The following SEZ6L variants were observed in gnomAD, a reference collection of about 807,000 sequenced individuals.
SEZ6L encodes seizure related 6 homolog like, also known as seizure 6-like protein.
A neutral mutation model predicts 106.2 loss-of-function variants in SEZ6L; 37 were observed. The observed-to-expected ratio is 0.35, with a 90% CI of 0.27 to 0.46. The LOEUF is 0.46. SEZ6L is among the 20% of genes least tolerant of loss of function. The pLI is 1.00. For missense variants in SEZ6L, 1,172 were observed against 1,332.8 expected (o/e 0.88, Z 1.88); for synonymous variants, 541 against 570.4 (o/e 0.95, Z 0.73).
At chr22:26,246,933 A>G (rs1335754048) in intron 1 of SEZ6L, among the ~76,000 whole-genome samples, 1 of 152,174 alleles carries the variant, frequency 6.6e-6, no homozygotes, top group African/African-American at 2.4e-5. Context: ...GACAATTTGA[A>G]CTATGTGAAA....
intron 1 of SEZ6L, among the ~76,000 whole-genome samples, chr22:26,170,574 A>T (rs532870606): frequency 2.0e-5 from 3 of 152,194 alleles, no homozygotes; most frequent in South Asian, 4.2e-4. Context: ...TCTTTCTCAG[A>T]CCTGGAACCA....
chr22:26,379,387 G>T (rs916561280), intron 16 of SEZ6L, among the ~76,000 whole-genome samples: 6 of 152,224 alleles, frequency 3.9e-5, no homozygotes, highest in African/African-American at 1.2e-4. Flanking sequence ...AAAAGGAGGG[G>T]ACCCCACAAA....
chr22:26,256,304 A>C (rs1301121137), intron 1 of SEZ6L, among the ~76,000 whole-genome samples: 3 of 152,244 alleles, frequency 2.0e-5, no homozygotes, highest in Admixed American at 6.5e-5. Flanking sequence ...AAGTGAACAA[A>C]GGAAGTGAAT....
chr22:26,243,140 G>C (rs1233839280), intron 1 of SEZ6L, among the ~76,000 whole-genome samples: 1 of 152,186 alleles, frequency 6.6e-6, no homozygotes, highest in Admixed American at 6.5e-5. Context: ...AAGGCCCACT[G>C]TAATTCTGAA....
chr22:26,347,621 C>G, intron 10 of SEZ6L, 98 bp from the exon 11 acceptor site: 1 of 1,013,350 alleles, frequency 9.9e-7, no homozygotes, highest in Non-Finnish European at 1.4e-6. Context: ...TTTCTAGAGG[C>G]TTTTTTTTCT....
At chr22:26,264,624 T>C (rs1343494551) in intron 1 of SEZ6L, among the ~76,000 whole-genome samples, 1 of 152,214 alleles carries the variant, frequency 6.6e-6, no homozygotes, top group African/African-American at 2.4e-5. Context: ...AAATAGTAAA[T>C]ATTTTATGCT....
rs557635851 is a variant in SEZ6L, at chr22:26,372,920, G to A, written c.2795-531G>A. Among the ~76,000 whole-genome samples the A allele has an allele frequency of 1.2e-4, 19 of 152,280 alleles. No individual in the cohort carries two copies. In the South Asian group the frequency reaches 3.7e-3, roughly 30 times the overall value. On this transcript the variant is annotated intron_variant, in intron 13 of 16. Coordinates refer to ENST00000248933, the MANE Select transcript of SEZ6L (RefSeq NM_021115.5). ...GCTGGATTTTGTATGAAGGTCTGGG[G>A]CCTCGCAATTCATTCGTGCTTTGCC...
chr22:26,324,646 G>A (rs1176631717), intron 9 of SEZ6L, among the ~76,000 whole-genome samples: 4 of 152,140 alleles, frequency 2.6e-5, no homozygotes, highest in South Asian at 2.1e-4. Flanking sequence ...AAATGGCCAC[G>A]ACAAAAATAA....
intron 1 of SEZ6L, among the ~76,000 whole-genome samples, chr22:26,209,443 G>A (rs1420979578): frequency 6.7e-6 from 1 of 150,018 alleles, no homozygotes; most frequent in Non-Finnish European, 1.5e-5. Flanking sequence ...TGGATGAAAA[G>A]GAGAGGGAAG....
At chr22:26,357,013 G>A (rs551609556) in intron 12 of SEZ6L, among the ~76,000 whole-genome samples, 6 of 151,134 alleles carry the variant, frequency 4.0e-5, no homozygotes, top group South Asian at 4.2e-4. Flanking sequence ...GTGCAGTGGC[G>A]CAATCTTAGC....
At position 26,366,576 on chromosome 22, in the gene SEZ6L, C is replaced by T. The variant is rs114215033; in HGVS notation, c.2794+1010C>T. Reference sequence around the variant, plus strand: ...TACAAAAATTAACCTGATGTGGTGACGTGTGCCTGTAGTCCCAGCTACTTG... The same window carrying T: ...TACAAAAATTAACCTGATGTGGTGATGTGTGCCTGTAGTCCCAGCTACTTG... On this transcript the variant is annotated intron_variant, in intron 13 of 16. Coordinates refer to ENST00000248933, the MANE Select transcript of SEZ6L (RefSeq NM_021115.5). Among the ~76,000 whole-genome samples, 793 of 150,130 alleles carry T rather than the reference C, an allele frequency of 5.3e-3. 7 individuals are homozygous for T. Among genetic ancestry groups the T allele is most frequent in the African/African-American group, 0.019 (768 of 40,822 alleles).
Position 26,328,607 on chromosome 22 carries a change from A to G in SEZ6L, c.2016-11829A>G, listed in dbSNP as rs569957769. Among the ~76,000 whole-genome samples, 26 of 152,254 alleles carry G rather than the reference A, an allele frequency of 1.7e-4. No individual in the cohort carries two copies. The Middle Eastern group carries it at 0.02, about 120-fold the overall frequency. ...GTAAAACGTTATCGGTGACCTTGCC[A>G]GAGCCTCGCCCACTGCCTTCGGAAA... is the stretch of plus-strand genomic sequence containing the variant. On this transcript the variant is annotated intron_variant, in intron 9 of 16. Transcript: ENST00000248933.
intron 1 of SEZ6L, among the ~76,000 whole-genome samples, chr22:26,185,960 C>T (rs12053781): frequency 0.026 from 3,995 of 152,160 alleles, 81 homozygotes; most frequent in Middle Eastern, 0.075. Flanking sequence ...TAGCCCTGTT[C>T]TCCTGCCTCC....
chr22:26,229,720 A>C (rs892198288), intron 1 of SEZ6L, among the ~76,000 whole-genome samples: 2 of 152,180 alleles, frequency 1.3e-5, no homozygotes, highest in African/African-American at 4.8e-5. Flanking sequence ...GTCCCTGGGG[A>C]TGGGACCTGG....
chr22:26,190,594 TGGA>T (rs1255468403), intron 1 of SEZ6L, among the ~76,000 whole-genome samples: 2 of 152,276 alleles, frequency 1.3e-5, no homozygotes, highest in East Asian at 3.9e-4. Flanking sequence ...CACAGGGTTG[TGGA>T]GGAGATTAAG....
chr22:26,305,664 C>T (rs2081606128), intron 5 of SEZ6L, among the ~76,000 whole-genome samples: 1 of 152,210 alleles, frequency 6.6e-6, no homozygotes, highest in African/African-American at 2.4e-5. Context: ...ACAGCCAGCA[C>T]CACAGAACTG....
chr22:26,341,267 C>T (rs1168714601), intron 10 of SEZ6L, among the ~76,000 whole-genome samples: 1 of 124,326 alleles, frequency 8.0e-6, no homozygotes, highest in South Asian at 2.9e-4. Context: ...CTAAAACAAA[C>T]AAAACAAAAA....
intron 1 of SEZ6L, among the ~76,000 whole-genome samples, chr22:26,249,066 T>C (rs2079472808): frequency 6.6e-6 from 1 of 152,252 alleles, no homozygotes; most frequent in Non-Finnish European, 1.5e-5. Context: ...AATAATCTTA[T>C]GTATTTATGG....
chr22:26,342,589 G>A (rs764453554), intron 10 of SEZ6L, among the ~76,000 whole-genome samples: 6 of 151,930 alleles, frequency 3.9e-5, no homozygotes, highest in East Asian at 3.9e-4. Flanking sequence ...CCAGCTACTC[G>A]GGAGGCTGAG....
Sources: allele counts gnomAD v4.1 joint callset (sites outside exome capture counted in the v4.1 genomes callset), GRCh38; gene constraint gnomAD v4.1.1; transcripts MANE v1.5; gene names NCBI Gene and HGNC (gene_info 2026-07-23, HGNC 2026-07-21).